SLC44A5: variants seen among roughly 807,000 people sequenced by gnomAD.
The protein encoded by SLC44A5 is solute carrier family 44 member 5.
Under a neutral mutation model 101.8 loss-of-function variants are expected in SLC44A5, and 57 were observed. That is an observed-to-expected ratio of 0.56 (90% CI 0.45 to 0.70). The LOEUF (loss-of-function observed/expected upper bound fraction) is 0.70. Ranked by LOEUF, SLC44A5 falls within the 30% of genes least tolerant of loss-of-function variation. SLC44A5 has a pLI of 0.00. For synonymous variants in SLC44A5, 281 were observed against 290.9 expected, an observed-to-expected ratio of 0.97 and a Z score of 0.35; for missense variants, 737 against 853.1, an observed-to-expected ratio of 0.86 and a Z score of 1.70.
intron 1 of SLC44A5, among the ~76,000 whole-genome samples, chr1:75,562,989 GTTTC>G (rs1672604873): frequency 6.6e-6 from 1 of 152,042 alleles, no homozygotes; most frequent in Non-Finnish European, 1.5e-5. Context: ...GTTAGTTTGT[GTTTC>G]TTTCAGCTAC....
intron 18 of SLC44A5, 62 bp from the exon 19 acceptor site, chr1:75,215,919 A>ATCAGTC: frequency 3.5e-6 from 3 of 866,520 alleles, no homozygotes; most frequent in Non-Finnish European, 3.8e-6. Flanking sequence ...CAGTCAAAAT[A>ATCAGTC]AATATAATAC....
At chr1:75,232,265 C>A (rs1647644195) in intron 12 of SLC44A5, among the ~76,000 whole-genome samples, 1 of 152,122 alleles carries the variant, frequency 6.6e-6, no homozygotes, top group Admixed American at 6.6e-5. Flanking sequence ...TGCACTACAG[C>A]CAATCTCAGA....
intron 6 of SLC44A5, among the ~76,000 whole-genome samples, chr1:75,271,405 TACTG>T (rs1183642251): frequency 6.6e-6 from 1 of 152,056 alleles, no homozygotes; most frequent in East Asian, 1.9e-4. Context: ...GAGCAGTATA[TACTG>T]TATGCAATGT....
intron 1 of SLC44A5, among the ~76,000 whole-genome samples, chr1:75,598,104 C>A (rs928779597): frequency 2.0e-5 from 3 of 151,186 alleles, no homozygotes; most frequent in African/African-American, 2.4e-5. Context: ...GAAAAAAAAA[C>A]CCATAAAAAA....
chr1:75,521,400 C>G (rs1284146934), intron 2 of SLC44A5, among the ~76,000 whole-genome samples: 2 of 152,112 alleles, frequency 1.3e-5, no homozygotes, highest in Non-Finnish European at 2.9e-5. Context: ...TAAAAAAAAT[C>G]ACAACTTCTT....
rs143547406 is a variant in SLC44A5, at chr1:75,213,434, A to T, written c.1962+271T>A. Among the ~76,000 whole-genome samples, 793 of 152,190 alleles carry T rather than the reference A, an allele frequency of 5.2e-3. 8 individuals carry two copies. Among genetic ancestry groups the T allele is most frequent in the African/African-American group, 0.018 (765 of 41,536 alleles). ...GTGATTTGAAGGTGGCACCTTTGGGAGGTGATTAGGTCAGGAGGATCGGAT... is the reference window on the plus strand; with the variant it reads ...GTGATTTGAAGGTGGCACCTTTGGGTGGTGATTAGGTCAGGAGGATCGGAT... On this transcript the variant is annotated intron_variant, in intron 22 of 23. Coordinates refer to ENST00000370859, the MANE Select transcript of SLC44A5 (RefSeq NM_001130058.2).
the SLC44A5 span, among the ~76,000 whole-genome samples, chr1:75,618,433 C>T: frequency 1.3e-5 from 2 of 152,174 alleles, no homozygotes; most frequent in African/African-American, 4.8e-5. Context: ...CCCCTATAGC[C>T]CACACTGTGT....
intron 1 of SLC44A5, among the ~76,000 whole-genome samples, chr1:75,584,781 G>A (rs1246545398): frequency 1.3e-5 from 2 of 152,020 alleles, no homozygotes; most frequent in Non-Finnish European, 2.9e-5. Context: ...GTTTTCAGTA[G>A]AGAAGGGGTT....
chr1:75,467,924 C>CT (rs1448601568), intron 2 of SLC44A5, among the ~76,000 whole-genome samples: 2 of 95,636 alleles, frequency 2.1e-5, no homozygotes, highest in Non-Finnish European at 4.0e-5. Flanking sequence ...TATTTGCAAA[C>CT]AACCATACGA....
intron 2 of SLC44A5, among the ~76,000 whole-genome samples, chr1:75,438,887 A>C (rs1665034807): frequency 6.6e-6 from 1 of 152,192 alleles, no homozygotes. Context: ...TATTGAAATT[A>C]ACAGCAAAAA....
At chr1:75,523,137 T>C (rs1670229335) in intron 2 of SLC44A5, among the ~76,000 whole-genome samples, 1 of 152,130 alleles carries the variant, frequency 6.6e-6, no homozygotes, top group Non-Finnish European at 1.5e-5. Flanking sequence ...TCCCAAATGA[T>C]TGCCAAGAAC....
At chr1:75,285,506 C>G (rs981961844) in intron 5 of SLC44A5, among the ~76,000 whole-genome samples, 3 of 151,740 alleles carry the variant, frequency 2.0e-5, no homozygotes, top group Non-Finnish European at 1.5e-5. Context: ...TTTTCTTCTA[C>G]TGGGTTTGGG....
Position 75,227,802 on chromosome 1 carries a change from T to C in SLC44A5, c.909A>G (p.Val303=). ...YTNLQERPSS[V]LTIYDIGIQT... ...GAATCCCGATGTCATAGATAGTTAA[T>C]ACAGAACTTGGGCGTTCCTGAAGAT... is the stretch of plus-strand genomic sequence containing the variant. The change falls in exon 13 of 24, where the codon GTA becomes GTG. Residue 303 remains valine (V), a synonymous_variant. Transcript: ENST00000370859. The C allele has an allele frequency of 6.2e-7, 1 of 1,600,280 alleles. No homozygotes were observed. The highest frequency in any genetic ancestry group is 8.5e-7 in the Non-Finnish European group (1 of 1,176,340).
intron 1 of SLC44A5, among the ~76,000 whole-genome samples, chr1:75,606,269 C>A (rs753901239): frequency 6.6e-6 from 1 of 151,804 alleles, no homozygotes; most frequent in African/African-American, 2.4e-5. Flanking sequence ...TCTTAATACT[C>A]CATTTAATAT....
rs143883300 is a variant in SLC44A5, at chr1:75,313,121, G to A, written c.102-12436C>T. The stretch of plus-strand genomic sequence containing the variant: ...GCAACACAGAAGAGAATGAAACCAG[G>A]GCCAGTTCTGTTTCATCTTCATCAT... On this transcript the variant is annotated intron_variant, in intron 4 of 23. Coordinates refer to ENST00000370859, the MANE Select transcript of SLC44A5 (RefSeq NM_001130058.2). Among the ~76,000 whole-genome samples, 965 of 152,190 alleles carry A rather than the reference G, an allele frequency of 6.3e-3. 12 individuals are homozygous for A. Among genetic ancestry groups the A allele is most frequent in the African/African-American group, 0.022 (897 of 41,522 alleles).
chr1:75,389,782 A>G (rs1410729542), intron 3 of SLC44A5, among the ~76,000 whole-genome samples: 1 of 152,126 alleles, frequency 6.6e-6, no homozygotes, highest in Non-Finnish European at 1.5e-5. Context: ...ACTAATCCCA[A>G]AGCTGGCAGA....
the SLC44A5 span, among the ~76,000 whole-genome samples, chr1:75,672,158 C>T: frequency 9.0e-3 from 1,367 of 152,224 alleles, 21 homozygotes; most frequent in African/African-American, 0.031. Flanking sequence ...GCAACAGTAT[C>T]TGCTTTTAAC....
intron 5 of SLC44A5, among the ~76,000 whole-genome samples, chr1:75,292,285 C>G (rs1653620628): frequency 6.6e-6 from 1 of 152,088 alleles, no homozygotes. Flanking sequence ...GCCACATCTT[C>G]TTGCTTTATA....
intron 2 of SLC44A5, among the ~76,000 whole-genome samples, chr1:75,459,262 A>T (rs1004452995): frequency 1.3e-5 from 2 of 152,206 alleles, no homozygotes; most frequent in African/African-American, 4.8e-5. Context: ...CATCCCATGG[A>T]AAGAAAAAAT....
Sources: gnomAD v4.1 joint callset for allele counts (sites outside exome capture counted in the v4.1 genomes callset) on GRCh38, gnomAD v4.1.1 for gene constraint, MANE v1.5 for transcripts, NCBI Gene and HGNC (gene_info 2026-07-23, HGNC 2026-07-21) for gene names.